The following TCF25 variants were observed in gnomAD, a reference collection of about 807,000 sequenced individuals.
The protein encoded by TCF25 is TCF25 ribosome quality control complex subunit, also known as ribosome quality control complex subunit TCF25.
TCF25 carries 41 observed loss-of-function variants against 83.1 expected under a neutral mutation model. The ratio of observed to expected loss-of-function variants is 0.49; its 90% CI spans 0.38 to 0.64. The LOEUF is 0.64. TCF25 is among the 30% of genes least tolerant of loss of function. TCF25 has a pLI of 0.00. For synonymous variants in TCF25, 458 were observed against 365.0 expected (o/e 1.25, Z -2.90); for missense variants, 979 against 914.5 (o/e 1.07, Z -0.91).
At position 89,904,106 on chromosome 16, in the gene TCF25, C is replaced by T. The variant is rs765202276; in HGVS notation, c.1382-12C>T. The T allele has an allele frequency of 6.2e-7, 1 of 1,601,490 alleles. No individual in the cohort carries two copies. Among genetic ancestry groups the T allele is most frequent in the Non-Finnish European group, 8.5e-7 (1 of 1,174,606 alleles). On this transcript the variant is annotated splice_polypyrimidine_tract_variant and intron_variant, in intron 12 of 17. Coordinates refer to ENST00000263346, the MANE Select transcript of TCF25 (RefSeq NM_014972.3). ...GCTGAGGGCCCCCACAGAGCCTCCG[C>T]TTCCCCTGCAGTCCTCCTGCCCCTG...
rs147467526 is a variant in TCF25, at chr16:89,883,518, G to C, written c.354+6G>C. The C allele has an allele frequency of 5.0e-6, 8 of 1,593,108 alleles. No homozygotes were observed. The East Asian group carries it at 1.8e-4, about 36-fold the overall frequency. On this transcript the variant is annotated splice_donor_region_variant and intron_variant, in intron 2 of 17. Coordinates refer to ENST00000263346, the MANE Select transcript of TCF25 (RefSeq NM_014972.3). ...AGACAGTGCCCTCAGAGCAGGTGGG[G>C]GGCTGAGTGGTGAGGAGGTGGCATC... is the stretch of plus-strand genomic sequence containing the variant.
chr16:89,883,697 C>T (rs927466310), intron 2 of TCF25, 185 bp downstream of exon 2: 4 of 668,314 alleles, frequency 6.0e-6, no homozygotes, highest in Non-Finnish European at 9.9e-6. Flanking sequence ...GAGTGAAGGT[C>T]GCAGGCCTTT....
chr16:89,899,405 C>G (rs531459407), intron 11 of TCF25, among the ~76,000 whole-genome samples: 22 of 152,328 alleles, frequency 1.4e-4, no homozygotes, highest in African/African-American at 5.1e-4. Flanking sequence ...ACGTATTAAT[C>G]TCACCTGTTT....
intron 16 of TCF25, chr16:89,910,348 C>G (rs556556409): frequency 3.0e-5 from 17 of 559,060 alleles, no homozygotes; most frequent in East Asian, 3.0e-4. Flanking sequence ...CCACGCCTGC[C>G]TCAGCTGAGT....
chr16:89,881,921 AT>A (rs199732172), intron 1 of TCF25, among the ~76,000 whole-genome samples: 4 of 151,648 alleles, frequency 2.6e-5, no homozygotes, highest in African/African-American at 9.7e-5. Context: ...CACCTGGCCG[AT>A]TTTTTTATTT....
At chr16:89,901,392 C>A (rs567634921) in intron 12 of TCF25, among the ~76,000 whole-genome samples, 69 of 151,848 alleles carry the variant, frequency 4.5e-4, no homozygotes, top group Non-Finnish European at 7.8e-4. Flanking sequence ...GGGTGAAATC[C>A]CTCCTTAAGA....
chr16:89,900,510 T>G (rs2144203628), intron 11 of TCF25, 125 bp from the exon 12 acceptor site: 1 of 1,124,494 alleles, frequency 8.9e-7, no homozygotes, highest in Admixed American at 2.5e-5. Context: ...GAAGAGGCCC[T>G]TGCGTTGCCT....
intron 1 of TCF25, among the ~76,000 whole-genome samples, chr16:89,880,040 C>T (rs1597266881): frequency 6.6e-6 from 1 of 151,522 alleles, no homozygotes; most frequent in South Asian, 2.1e-4. Context: ...ACGTGCTGTC[C>T]GTGTACACAG....
chr16:89,898,191 A>G (rs1429235090), intron 9 of TCF25, among the ~76,000 whole-genome samples: 1 of 152,232 alleles, frequency 6.6e-6, no homozygotes, highest in Admixed American at 6.5e-5. Context: ...AGGAGAGCGC[A>G]CACCTCCTCT....
intron 17 of TCF25, 132 bp downstream of exon 17, chr16:89,910,795 C>A: frequency 9.0e-7 from 1 of 1,116,208 alleles, no homozygotes; most frequent in Non-Finnish European, 1.3e-6. Flanking sequence ...ACCAAGGCTG[C>A]ATTGTGCCAG....
rs72813440 is a variant in TCF25, at chr16:89,911,245, G to C, written c.*7G>C. 6.2e-7 allele frequency: 1 copy of C among 1,611,902 alleles called. No homozygotes were observed. On this transcript the variant is annotated 3_prime_UTR_variant, in exon 18 of 18. Coordinates refer to ENST00000263346, the MANE Select transcript of TCF25 (RefSeq NM_014972.3). ...GGAGGGGGAGTGGGACTGAGCGTCC[G>C]CAGAGGTGACCGAAAAGCCGTATGA...
chr16:89,909,555 G>A (rs922497901), intron 16 of TCF25: 74 of 159,876 alleles, frequency 4.6e-4, no homozygotes, highest in Non-Finnish European at 7.6e-4. Context: ...GGTTGTGCCT[G>A]TAGTCCCAGC....
chr16:89,889,490 T>A (rs2043260660), intron 5 of TCF25: 1 of 202,938 alleles, frequency 4.9e-6, no homozygotes, highest in Admixed American at 5.5e-5. Context: ...CACATCCTGT[T>A]TTATTGGACC....
chr16:89,889,468 C>T (rs762067093), intron 5 of TCF25: 11 of 209,856 alleles, frequency 5.2e-5, no homozygotes, highest in Non-Finnish European at 8.7e-5. Context: ...TGAGCCACCA[C>T]GCCCAGCCAG....
At chr16:89,884,451 A>C (rs2042831996) in intron 2 of TCF25, 131 bp from the exon 3 acceptor site, 1 of 855,888 alleles carries the variant, frequency 1.2e-6, no homozygotes, top group South Asian at 1.7e-5. Context: ...AGTGAGTTGA[A>C]GGAACTTTTG....
chr16:89,886,703 G>A (rs1597300979), intron 4 of TCF25, among the ~76,000 whole-genome samples: 1 of 147,496 alleles, frequency 6.8e-6, no homozygotes. Flanking sequence ...CGGAGGTTGC[G>A]GTGAGCTGAG....
At position 89,907,373 on chromosome 16, in the gene TCF25, CA is replaced by C. The variant is rs2044903700; in HGVS notation, c.1799+52del. On this transcript the variant is annotated intron_variant, in intron 16 of 17. Coordinates refer to ENST00000263346, the MANE Select transcript of TCF25 (RefSeq NM_014972.3). Reference sequence around the variant, plus strand: ...CTCCCAGCTCCCACCTCCCTCCTCCCAGTTCCCAGCTCCCAGCTCCCACCTC... The same window carrying C: ...CTCCCAGCTCCCACCTCCCTCCTCCCGTTCCCAGCTCCCAGCTCCCACCTC... 8.4e-5 allele frequency: 20 copies of C among 238,060 alleles called. 1 individual carries two copies. In the East Asian group the frequency reaches 1.9e-3, roughly 23 times the overall value. The allele number at this position is 238,060 out of a possible 1,614,324, so 14.7% of individuals were successfully genotyped here.
chr16:89,878,055 A>G (rs576597622), intron 1 of TCF25, among the ~76,000 whole-genome samples: 2 of 152,298 alleles, frequency 1.3e-5, no homozygotes, highest in South Asian at 2.1e-4. Flanking sequence ...AGGCAGATCC[A>G]TCACTTGAGC....
At chr16:89,903,451 G>A (rs761004697) in intron 12 of TCF25, among the ~76,000 whole-genome samples, 3 of 152,040 alleles carry the variant, frequency 2.0e-5, no homozygotes, top group African/African-American at 4.8e-5. Context: ...CAGGAGGATC[G>A]CTTGAGCATA....
Sources: gnomAD v4.1 joint callset for allele counts (sites outside exome capture counted in the v4.1 genomes callset) on GRCh38, gnomAD v4.1.1 for gene constraint, MANE v1.5 for transcripts, NCBI Gene and HGNC (gene_info 2026-07-23, HGNC 2026-07-21) for gene names.